Variants in TMEM132B observed in about 807,000 individuals in gnomAD.
TMEM132B encodes transmembrane protein 132B.
In TMEM132B, 18 loss-of-function variants were observed where a neutral mutation model predicts 90.8. That is an observed-to-expected ratio of 0.20 (90% CI 0.14 to 0.29). TMEM132B has a LOEUF of 0.29. Ranked by LOEUF, TMEM132B falls within the 10% of genes least tolerant of loss-of-function variation. The probability of loss-of-function intolerance (pLI) is 1.00; values close to 1 mark genes in which losing one functional copy is unlikely to be tolerated. For synonymous variants in TMEM132B, 504 were observed against 523.3 expected, an observed-to-expected ratio of 0.96 and a Z score of 0.50; for missense variants, 1,096 against 1,326.8, an observed-to-expected ratio of 0.83 and a Z score of 2.70.
intron 4 of TMEM132B, among the ~76,000 whole-genome samples, chr12:125,532,531 T>TC (rs398040214): frequency 6.6e-6 from 1 of 151,720 alleles, no homozygotes; most frequent in Non-Finnish European, 1.5e-5. Context: ...TTTTTTTTTT[T>TC]CGAGACAGAG....
At chr12:125,633,250 C>G (rs139828849) in intron 5 of TMEM132B, among the ~76,000 whole-genome samples, 143 of 152,298 alleles carry the variant, frequency 9.4e-4, no homozygotes, top group African/African-American at 3.2e-3. Flanking sequence ...CATTTTTCAG[C>G]TCAAGAATTT....
chr12:125,557,525 A>T (rs956099279), intron 4 of TMEM132B, among the ~76,000 whole-genome samples: 6 of 152,146 alleles, frequency 3.9e-5, no homozygotes, highest in Admixed American at 1.3e-4. Context: ...ATCTATTATC[A>T]CTAATCTATC....
intron 3 of TMEM132B, among the ~76,000 whole-genome samples, chr12:125,499,397 G>A (rs1882637996): frequency 6.6e-6 from 1 of 152,174 alleles, no homozygotes; most frequent in Non-Finnish European, 1.5e-5. Flanking sequence ...ATACAAAATT[G>A]CATGCAGGAT....
Position 125,653,885 on chromosome 12 carries a change from G to A in TMEM132B, c.2427G>A (p.Glu809=). Residue 809 remains glutamate (E), a synonymous_variant, in exon 9 of 9, where the codon GAG becomes GAA. Coordinates refer to ENST00000682704, the MANE Select transcript of TMEM132B (RefSeq NM_001366854.1). The part of the protein sequence containing the change: ...DEHQGGSNDI[E]GINREYKDHL... The stretch of plus-strand genomic sequence containing the variant: ...ACCAAGGAGGCAGCAATGATATTGA[G>A]GGCATAAATCGGGAATATAAAGACC... The A allele has an allele frequency of 6.2e-7, 1 of 1,614,126 alleles. No homozygotes were observed. Among genetic ancestry groups the A allele is most frequent in the Non-Finnish European group, 8.5e-7 (1 of 1,180,036 alleles).
intron 1 of TMEM132B, among the ~76,000 whole-genome samples, chr12:125,219,463 T>C (rs1348551337): frequency 6.6e-6 from 1 of 152,178 alleles, no homozygotes. Context: ...TCACCTGGCA[T>C]CTTGGGGGAA....
intron 5 of TMEM132B, among the ~76,000 whole-genome samples, chr12:125,599,890 C>A (rs776974755): frequency 2.0e-5 from 3 of 152,230 alleles, no homozygotes; most frequent in Middle Eastern, 3.4e-3. Flanking sequence ...CATAGCAGTT[C>A]ATCAGGTAGT....
At chr12:125,276,098 G>A (rs1311873080) in intron 1 of TMEM132B, among the ~76,000 whole-genome samples, 2 of 152,216 alleles carry the variant, frequency 1.3e-5, no homozygotes, top group Non-Finnish European at 2.9e-5. Flanking sequence ...GGCCACTAGA[G>A]CATTAGAAGT....
intron 3 of TMEM132B, among the ~76,000 whole-genome samples, chr12:125,515,900 A>G (rs1883140921): frequency 8.8e-6 from 1 of 113,378 alleles, no homozygotes. Context: ...GCACACATTT[A>G]CACACACAAA....
Position 125,256,980 on chromosome 12 carries a change from G to A in TMEM132B, c.67+70114G>A, listed in dbSNP as rs538389595. On this transcript the variant is annotated intron_variant, in intron 1 of 8. Transcript: ENST00000682704. Reference sequence around the variant, plus strand: ...GAGTTGGAGATCCTTGTCTTCATGAGGCCTGGGATTTATTAGAAATTGCAG... The same window carrying A: ...GAGTTGGAGATCCTTGTCTTCATGAAGCCTGGGATTTATTAGAAATTGCAG... Among the ~76,000 whole-genome samples, 18 of 152,274 alleles carry A rather than the reference G, an allele frequency of 1.2e-4. No individual in the cohort carries two copies. The East Asian group carries it at 3.5e-3, about 29-fold the overall frequency.
intron 3 of TMEM132B, among the ~76,000 whole-genome samples, chr12:125,421,260 C>T (rs1277696898): frequency 6.6e-6 from 1 of 152,212 alleles, no homozygotes; most frequent in African/African-American, 2.4e-5. Context: ...TTAGTCTCTT[C>T]TCATGCTGCT....
intron 4 of TMEM132B, among the ~76,000 whole-genome samples, chr12:125,553,088 A>G (rs141627360): frequency 1.1e-3 from 166 of 152,394 alleles, no homozygotes; most frequent in Non-Finnish European, 1.8e-3. Flanking sequence ...ACACATGGCA[A>G]CAAAGTGCCT....
intron 1 of TMEM132B, among the ~76,000 whole-genome samples, chr12:125,316,411 C>T (rs1202403476): frequency 6.6e-6 from 1 of 152,234 alleles, no homozygotes; most frequent in Non-Finnish European, 1.5e-5. Context: ...TTCTCTATGT[C>T]AGGCATTCTA....
intron 1 of TMEM132B, among the ~76,000 whole-genome samples, chr12:125,226,904 C>T (rs990615750): frequency 3.3e-5 from 5 of 152,216 alleles, no homozygotes; most frequent in Non-Finnish European, 7.3e-5. Flanking sequence ...GTGCCTAGTG[C>T]TTTCTAGGCC....
intron 1 of TMEM132B, among the ~76,000 whole-genome samples, chr12:125,224,815 A>C (rs2136077000): frequency 6.6e-6 from 1 of 152,320 alleles, no homozygotes; most frequent in Non-Finnish European, 1.5e-5. Context: ...TACATGGTAA[A>C]ACTATGCCAA....
At position 125,660,157 on chromosome 12, in the gene TMEM132B, G is replaced by T. The variant is rs539572805; in HGVS notation, c.*5447G>T. On this transcript the variant is annotated 3_prime_UTR_variant, in exon 9 of 9. Coordinates refer to ENST00000682704, the MANE Select transcript of TMEM132B (RefSeq NM_001366854.1). ...CCAGCTACTCTGGAGGCTGAGGCAG[G>T]AGAATCACTTGAACCTGAGAGGTGA... 6.6e-6 allele frequency: 1 copy of T among 152,442 alleles called. No individual in the cohort carries two copies. Among genetic ancestry groups the T allele is most frequent in the East Asian group, 1.9e-4 (1 of 5,182 alleles). 9.4% of individuals were successfully genotyped at this position (152,442 alleles called of 1,614,324 possible).
Position 125,302,177 on chromosome 12 carries a change from C to T in TMEM132B, c.68-47275C>T, listed in dbSNP as rs914236672. ...ATTGTGCTGCTGCACTCCAGGCTGG[C>T]GACAGAGGGAGACTCTGTCTCAAAA... On this transcript the variant is annotated intron_variant, in intron 1 of 8. Transcript: ENST00000682704. Among the ~76,000 whole-genome samples, 14 of 151,554 alleles carry T rather than the reference C, an allele frequency of 9.2e-5. No individual in the cohort carries two copies. The South Asian group carries it at 1.5e-3, about 16-fold the overall frequency.
chr12:125,519,863 A>G (rs1883264145), intron 4 of TMEM132B, among the ~76,000 whole-genome samples: 1 of 152,060 alleles, frequency 6.6e-6, no homozygotes, highest in African/African-American at 2.4e-5. Flanking sequence ...GGGAGCCCTT[A>G]TTCTTTATTT....
At chr12:125,555,678 C>T (rs761678814) in intron 4 of TMEM132B, among the ~76,000 whole-genome samples, 46 of 150,642 alleles carry the variant, frequency 3.1e-4, no homozygotes, top group Non-Finnish European at 4.6e-4. Context: ...CAAACCTGCA[C>T]GTTGTGCACA....
At chr12:125,591,020 CGTGT>C (rs148593950) in intron 5 of TMEM132B, among the ~76,000 whole-genome samples, 10 of 150,646 alleles carry the variant, frequency 6.6e-5, no homozygotes, top group African/African-American at 2.0e-4. Context: ...TGCACGCCCG[CGTGT>C]GTGTGTGTGT....
Sources: gnomAD v4.1 joint callset for allele counts (sites outside exome capture counted in the v4.1 genomes callset) on GRCh38, gnomAD v4.1.1 for gene constraint, MANE v1.5 for transcripts, NCBI Gene and HGNC (gene_info 2026-07-23, HGNC 2026-07-21) for gene names.